Variants in CTNNA3 observed in about 807,000 individuals in gnomAD.
CTNNA3 encodes the protein catenin alpha 3, also known as catenin alpha-3.
Under a neutral mutation model 95.7 loss-of-function variants are expected in CTNNA3, and 76 were observed. The observed-to-expected ratio is 0.79, with a 90% CI of 0.66 to 0.96. The LOEUF is 0.96. CTNNA3 is among the 40% of genes least tolerant of loss of function. CTNNA3 has a pLI of 0.00. For missense variants in CTNNA3, 1,191 were observed against 1,089.8 expected (o/e 1.09, Z -1.31); for synonymous variants, 431 against 374.4 (o/e 1.15, Z -1.74).
At chr10:66,418,081 T>A (rs74424117) in intron 11 of CTNNA3, among the ~76,000 whole-genome samples, 2,243 of 149,646 alleles carry the variant, frequency 0.015, 75 homozygotes, top group African/African-American at 0.053. Context: ...TAACACTAGT[T>A]TTTTGAAAGT....
chr10:66,391,330 T>G (rs977204274), intron 11 of CTNNA3, among the ~76,000 whole-genome samples: 3 of 152,056 alleles, frequency 2.0e-5, no homozygotes, highest in African/African-American at 7.2e-5. Flanking sequence ...AAAAAGAAAG[T>G]CATTGAAGGC....
chr10:66,118,769 T>A (rs558123748), intron 13 of CTNNA3, among the ~76,000 whole-genome samples: 3 of 152,202 alleles, frequency 2.0e-5, no homozygotes, highest in African/African-American at 7.2e-5. Context: ...AAAGGATCAC[T>A]GTTATCAATG....
At chr10:67,674,195 G>T (rs1840494084) in intron 1 of CTNNA3, among the ~76,000 whole-genome samples, 1 of 152,060 alleles carries the variant, frequency 6.6e-6, no homozygotes, top group South Asian at 2.1e-4. Flanking sequence ...AAATGAGGCT[G>T]TTAGGATGGG....
chr10:66,610,611 A>G (rs1844294922), intron 10 of CTNNA3, among the ~76,000 whole-genome samples: 4 of 152,190 alleles, frequency 2.6e-5, no homozygotes, highest in Admixed American at 2.6e-4. Context: ...AATAGCTATT[A>G]TTAAAAGGAC....
intron 1 of CTNNA3, among the ~76,000 whole-genome samples, chr10:67,722,961 G>A (rs1038979140): frequency 2.0e-5 from 3 of 149,822 alleles, no homozygotes; most frequent in Admixed American, 2.0e-4. Context: ...GTAAAATGGA[G>A]AATAACAATT....
chr10:66,675,605 A>C (rs1197863016), intron 9 of CTNNA3, among the ~76,000 whole-genome samples: 1 of 152,084 alleles, frequency 6.6e-6, no homozygotes, highest in Admixed American at 6.6e-5. Flanking sequence ...ATTGAGAACT[A>C]TGTTATTTTC....
chr10:66,098,444 G>A (rs1274656292), intron 14 of CTNNA3, among the ~76,000 whole-genome samples: 2 of 151,950 alleles, frequency 1.3e-5, no homozygotes, highest in African/African-American at 4.8e-5. Context: ...TAAGCTCCAG[G>A]GCTTTTTATA....
chr10:66,404,468 A>G (rs755273402), intron 11 of CTNNA3, among the ~76,000 whole-genome samples: 3 of 152,186 alleles, frequency 2.0e-5, no homozygotes, highest in South Asian at 2.1e-4. Context: ...TTGAGATTCT[A>G]TTGTGTGCTG....
chr10:66,183,854 T>A (rs2086179535), intron 13 of CTNNA3, among the ~76,000 whole-genome samples: 1 of 152,218 alleles, frequency 6.6e-6, no homozygotes, highest in Non-Finnish European at 1.5e-5. Context: ...ATGAAAAGCC[T>A]ATTCAATTTT....
At chr10:66,820,968 T>C (rs1842286540) in intron 7 of CTNNA3, among the ~76,000 whole-genome samples, 1 of 152,108 alleles carries the variant, frequency 6.6e-6, no homozygotes. Flanking sequence ...TTGCCTCAGT[T>C]CCATCATCAT....
intron 3 of CTNNA3, among the ~76,000 whole-genome samples, chr10:67,584,267 T>A (rs1343610203): frequency 6.6e-6 from 1 of 152,212 alleles, no homozygotes; most frequent in African/African-American, 2.4e-5. Context: ...CCTTTCTGTT[T>A]GTTAGTTTTC....
At chr10:66,574,106 T>G (rs939838197) in intron 10 of CTNNA3, among the ~76,000 whole-genome samples, 11 of 152,128 alleles carry the variant, frequency 7.2e-5, no homozygotes, top group African/African-American at 2.7e-4. Context: ...TTGACATAGA[T>G]GAAATTAGTA....
intron 3 of CTNNA3, among the ~76,000 whole-genome samples, chr10:67,586,906 T>C (rs1589457463): frequency 6.6e-6 from 1 of 152,288 alleles, no homozygotes; most frequent in African/African-American, 2.4e-5. Context: ...TGGTTTGGTG[T>C]AATTCTGTAG....
intron 14 of CTNNA3, among the ~76,000 whole-genome samples, chr10:66,083,516 T>C (rs1371457561): frequency 1.3e-5 from 2 of 152,172 alleles, no homozygotes; most frequent in Non-Finnish European, 2.9e-5. Context: ...ATAAAATTTC[T>C]CTTAACTATC....
At chr10:66,427,764 G>C (rs1296363579) in intron 11 of CTNNA3, among the ~76,000 whole-genome samples, 2 of 152,020 alleles carry the variant, frequency 1.3e-5, no homozygotes, top group Admixed American at 6.6e-5. Flanking sequence ...ACTAAATATG[G>C]AAAGGAACAA....
At position 67,272,438 on chromosome 10, in the gene CTNNA3, G is replaced by A. The variant is rs781595959; in HGVS notation, c.580-52568C>T. 2.2e-4 allele frequency among the ~76,000 whole-genome samples: 33 copies of A among 151,886 alleles called. No homozygotes were observed. In the Middle Eastern group the frequency reaches 0.01, roughly 47 times the overall value. ...AGTGGTGGTGCATGCCTGTAGTCCC[G>A]GTTACTTGGGAGGCTGAGATGGGAG... On this transcript the variant is annotated intron_variant, in intron 5 of 17. Coordinates refer to ENST00000433211, the MANE Select transcript of CTNNA3 (RefSeq NM_013266.4).
intron 5 of CTNNA3, among the ~76,000 whole-genome samples, chr10:67,251,425 A>T (rs1020342814): frequency 6.6e-6 from 1 of 152,194 alleles, no homozygotes; most frequent in Non-Finnish European, 1.5e-5. Flanking sequence ...CATCTCTGTA[A>T]CTATACTAAA....
At chr10:66,249,861 T>C (rs559785159) in intron 13 of CTNNA3, among the ~76,000 whole-genome samples, 102 of 152,088 alleles carry the variant, frequency 6.7e-4, no homozygotes, top group African/African-American at 2.4e-3. Flanking sequence ...AAACTAAAAA[T>C]AGAACTAACA....
chr10:66,011,962 A>C (rs1374949443), intron 15 of CTNNA3, among the ~76,000 whole-genome samples: 2 of 152,198 alleles, frequency 1.3e-5, no homozygotes, highest in Non-Finnish European at 2.9e-5. Flanking sequence ...GCAACATAGA[A>C]TGACTGGATG....
Sources: gnomAD v4.1 joint callset for allele counts (sites outside exome capture counted in the v4.1 genomes callset) on GRCh38, gnomAD v4.1.1 for gene constraint, MANE v1.5 for transcripts, NCBI Gene and HGNC (gene_info 2026-07-23, HGNC 2026-07-21) for gene names.